Variants in ZEB2 observed in about 807,000 individuals in gnomAD.
ZEB2 encodes the protein zinc finger E-box binding homeobox 2, also known as zinc finger E-box-binding homeobox 2.
Under a neutral mutation model 99.9 loss-of-function variants are expected in ZEB2, and 6 were observed. That is an observed-to-expected ratio of 0.06 (90% confidence interval 0.03 to 0.12). The LOEUF is 0.12. Ranked by LOEUF, ZEB2 falls within the 10% of genes least tolerant of loss-of-function variation. ZEB2 has a pLI of 1.00. For synonymous variants in ZEB2, 517 were observed against 542.5 expected (o/e 0.95, Z 0.65); for missense variants, 969 against 1,502.8 (o/e 0.64, Z 5.87).
chr2:144,519,439 C>CAAAA, intron 1 of ZEB2: 1 of 127,690 alleles, frequency 7.8e-6, no homozygotes, highest in Non-Finnish European at 1.7e-5. Flanking sequence ...GGATGAACTG[C>CAAAA]CATGTCTAAG....
At chr2:144,421,067 G>A (rs576392332) in intron 4 of ZEB2, among the ~76,000 whole-genome samples, 23 of 152,304 alleles carry the variant, frequency 1.5e-4, no homozygotes, top group African/African-American at 4.8e-4. Flanking sequence ...TGGAATAATG[G>A]AGAGATGAAA....
chr2:144,447,909 T>C (rs1560628329), intron 2 of ZEB2, among the ~76,000 whole-genome samples: 1 of 152,194 alleles, frequency 6.6e-6, no homozygotes, highest in Non-Finnish European at 1.5e-5. Flanking sequence ...GCTGACTAAC[T>C]TCCTAACTTG....
intron 4 of ZEB2, among the ~76,000 whole-genome samples, chr2:144,409,704 G>A (rs1411260046): frequency 1.3e-5 from 2 of 152,004 alleles, no homozygotes; most frequent in African/African-American, 4.8e-5. Context: ...TATCTAGCTT[G>A]GGCAACAAAT....
chr2:144,485,117 G>A (rs1210890433), intron 2 of ZEB2, among the ~76,000 whole-genome samples: 2 of 152,162 alleles, frequency 1.3e-5, no homozygotes, highest in East Asian at 3.8e-4. Context: ...TCTTGTCCCT[G>A]ATTTGGAGTC....
Position 144,404,824 on chromosome 2 carries a change from T to A in ZEB2, c.592+12A>T, listed in dbSNP as rs1392711449. 1 of 1,613,272 alleles carries A rather than the reference T, an allele frequency of 6.2e-7. No homozygotes were observed. Reference sequence around the variant, plus strand: ...GGTCAGTGCAGTGGCTAAAAATGATTTACAGCCTCACCATTTTCTTCTTGC... The same window carrying A: ...GGTCAGTGCAGTGGCTAAAAATGATATACAGCCTCACCATTTTCTTCTTGC... On this transcript the variant is annotated intron_variant, in intron 5 of 9. Transcript: ENST00000627532.
intron 4 of ZEB2, among the ~76,000 whole-genome samples, chr2:144,409,130 G>A (rs577548289): frequency 6.6e-6 from 1 of 152,212 alleles, no homozygotes; most frequent in Admixed American, 6.5e-5. Context: ...CCTTGCAGTG[G>A]TTCGGTTGAC....
intron 9 of ZEB2, among the ~76,000 whole-genome samples, chr2:144,395,880 C>G (rs1703222553): frequency 6.6e-6 from 1 of 151,902 alleles, no homozygotes. Context: ...TAGGTGGTTT[C>G]AAGTAGCTCA....
intron 2 of ZEB2, among the ~76,000 whole-genome samples, chr2:144,431,696 C>T (rs951379938): frequency 6.6e-6 from 1 of 151,614 alleles, no homozygotes; most frequent in Non-Finnish European, 1.5e-5. Context: ...AACATCTCTG[C>T]TCTAGCTGTG....
intron 4 of ZEB2, among the ~76,000 whole-genome samples, chr2:144,421,020 C>T (rs1703612660): frequency 6.6e-6 from 1 of 152,116 alleles, no homozygotes; most frequent in Non-Finnish European, 1.5e-5. Context: ...GGACAGAGAA[C>T]AGTCAAATAT....
intron 4 of ZEB2, among the ~76,000 whole-genome samples, chr2:144,417,361 A>G (rs577437917): frequency 6.6e-6 from 1 of 152,302 alleles, no homozygotes; most frequent in Admixed American, 6.5e-5. Context: ...TATGTATTTT[A>G]GTGGTTGTTA....
chr2:144,483,030 C>G (rs1264045188), intron 2 of ZEB2, among the ~76,000 whole-genome samples: 4 of 151,692 alleles, frequency 2.6e-5, no homozygotes, highest in African/African-American at 9.7e-5. Context: ...ACTTAGAAAA[C>G]ATTGAGACAA....
intron 4 of ZEB2, 61 bp downstream of exon 4, chr2:144,424,735 G>A (rs557360288): frequency 3.8e-5 from 60 of 1,586,516 alleles, no homozygotes; most frequent in Admixed American, 1.3e-4. Context: ...TTCCTTCCCT[G>A]CCTCACTAAA....
chr2:144,438,017 C>T (rs1047869181), intron 2 of ZEB2, among the ~76,000 whole-genome samples: 8 of 152,132 alleles, frequency 5.3e-5, no homozygotes, highest in African/African-American at 1.2e-4. Flanking sequence ...TGTAGTCCCA[C>T]GAAATTAAAC....
At chr2:144,403,852 C>A in intron 6 of ZEB2, 64 bp downstream of exon 6, 8 of 1,593,584 alleles carry the variant, frequency 5.0e-6, no homozygotes, top group Non-Finnish European at 6.0e-6. Flanking sequence ...GATTGCCAAT[C>A]AAAGCAATAT....
At position 144,396,464 on chromosome 2, in the gene ZEB2, G is replaced by A. The variant is rs1045348284; in HGVS notation, c.3015C>T (p.Asp1005=). ...ESGMYACDLC[D]KTFQKSSSLL... is the part of the protein sequence containing the mutation. ...GGGAACTGCTTTTCTGGAATGTCTT[G>A]TCACATAAGTCACATGCATACATGC... Residue 1005 remains aspartate (D), a synonymous_variant, in exon 9 of 10, where the codon GAC becomes GAT. Transcript: ENST00000627532. 6.8e-6 allele frequency: 11 copies of A among 1,613,982 alleles called. No individual in the cohort carries two copies. The highest frequency in any genetic ancestry group is 9.3e-6 in the Non-Finnish European group (11 of 1,180,006).
chr2:144,459,917 A>G (rs138397990), intron 2 of ZEB2, among the ~76,000 whole-genome samples: 63 of 152,310 alleles, frequency 4.1e-4, no homozygotes, highest in African/African-American at 1.4e-3. Context: ...TAACACTCCG[A>G]AACTTTTGGC....
intron 1 of ZEB2, 86 bp from the exon 2 acceptor site, chr2:144,517,505 C>T (rs960649291): frequency 3.4e-6 from 3 of 883,316 alleles, no homozygotes; most frequent in Non-Finnish European, 5.5e-6. Flanking sequence ...GGGCCAGGGC[C>T]CCGGCGAGCA....
intron 2 of ZEB2, among the ~76,000 whole-genome samples, chr2:144,508,073 T>C (rs1704974735): frequency 6.6e-6 from 1 of 152,226 alleles, no homozygotes; most frequent in South Asian, 2.1e-4. Context: ...AAAGGAATAC[T>C]GCATGCTTGG....
At chr2:144,513,129 TG>T (rs1705069851) in intron 2 of ZEB2, 1 of 1,285,848 alleles carries the variant, frequency 7.8e-7, no homozygotes, top group Admixed American at 2.3e-5. Flanking sequence ...AGGGGTTGAC[TG>T]CATTTTCTTT....
Sources: allele counts gnomAD v4.1 joint callset (sites outside exome capture counted in the v4.1 genomes callset), GRCh38; gene constraint gnomAD v4.1.1; transcripts MANE v1.5; gene names NCBI Gene and HGNC (gene_info 2026-07-23, HGNC 2026-07-21).